Variants in GPM6A observed in about 807,000 individuals in gnomAD.
GPM6A encodes neuronal membrane glycoprotein M6-a.
A neutral mutation model predicts 32.1 loss-of-function variants in GPM6A; 7 were observed. The ratio of observed to expected loss-of-function variants is 0.22; its 90% confidence interval spans 0.12 to 0.41. The LOEUF is 0.41. Among genes scored for constraint, GPM6A ranks in the 10% least tolerant of loss-of-function variants. GPM6A has a pLI of 1.00. For synonymous variants in GPM6A, 130 were observed against 123.4 expected (o/e 1.05, Z -0.35); for missense variants, 235 against 347.2 (o/e 0.68, Z 2.57).
At chr4:175,755,750 T>C (rs979616598) in intron 1 of GPM6A, among the ~76,000 whole-genome samples, 43 of 152,186 alleles carry the variant, frequency 2.8e-4, no homozygotes, top group Non-Finnish European at 2.8e-4. Flanking sequence ...AATTATGTAG[T>C]GTTCCTGGAT....
intron 3 of GPM6A, among the ~76,000 whole-genome samples, chr4:175,661,064 G>T (rs1742381167): frequency 6.6e-6 from 1 of 152,104 alleles, no homozygotes; most frequent in African/African-American, 2.4e-5. Context: ...TATACTTGGT[G>T]TATACATAAT....
At chr4:175,785,308 G>C (rs1466352956) in intron 1 of GPM6A, among the ~76,000 whole-genome samples, 1 of 152,128 alleles carries the variant, frequency 6.6e-6, no homozygotes, top group Non-Finnish European at 1.5e-5. Flanking sequence ...AGACATTCCA[G>C]CCCAATCAAG....
chr4:175,888,864 A>T (rs1413578963), intron 1 of GPM6A, among the ~76,000 whole-genome samples: 1 of 152,172 alleles, frequency 6.6e-6, no homozygotes, highest in African/African-American at 2.4e-5. Context: ...TAACATAAAG[A>T]TCTACAAAAA....
chr4:175,841,979 T>C (rs1735950884), intron 1 of GPM6A, among the ~76,000 whole-genome samples: 1 of 152,184 alleles, frequency 6.6e-6, no homozygotes, highest in Non-Finnish European at 1.5e-5. Flanking sequence ...CCTTCATGAA[T>C]ATACATGTAG....
At chr4:175,691,723 C>G (rs80225500) in intron 2 of GPM6A, among the ~76,000 whole-genome samples, 7,162 of 152,112 alleles carry the variant, frequency 0.047, 194 homozygotes, top group Non-Finnish European at 0.063. Flanking sequence ...ATCTCCATAA[C>G]CTGTAAATAT....
chr4:175,762,889 G>A (rs1277961103), intron 1 of GPM6A, among the ~76,000 whole-genome samples: 4 of 152,092 alleles, frequency 2.6e-5, no homozygotes, highest in African/African-American at 4.8e-5. Context: ...AGATTGACTC[G>A]TGGTTGCGCG....
chr4:175,668,959 C>A (rs1742900641), intron 3 of GPM6A, among the ~76,000 whole-genome samples: 2 of 152,134 alleles, frequency 1.3e-5, no homozygotes. Context: ...GTGCCAGATG[C>A]TTGAATTCAA....
At chr4:175,960,048 G>A (rs1269173525) in intron 1 of GPM6A, among the ~76,000 whole-genome samples, 1 of 152,126 alleles carries the variant, frequency 6.6e-6, no homozygotes. Context: ...ATTAACCATG[G>A]TTACATCGTC....
intron 1 of GPM6A, among the ~76,000 whole-genome samples, chr4:175,907,647 G>A (rs185146801): frequency 5.3e-5 from 8 of 152,124 alleles, no homozygotes; most frequent in African/African-American, 7.2e-5. Flanking sequence ...AAAACCCTCC[G>A]GTGAGAAAGG....
Position 175,672,160 on chromosome 4 carries a change from A to G in GPM6A, c.387+1520T>C, listed in dbSNP as rs1743115828. On this transcript the variant is annotated intron_variant, in intron 3 of 6. Transcript: ENST00000393658. ...TCTTTTTATTATGAAGTTATTTTCA[A>G]ATTCTGAATGAAATAACACAATTGA... Among the ~76,000 whole-genome samples the G allele has an allele frequency of 2.0e-5, 3 of 152,170 alleles. No homozygotes were observed. In the South Asian group the frequency reaches 6.2e-4, roughly 31 times the overall value.
intron 1 of GPM6A, among the ~76,000 whole-genome samples, chr4:175,880,154 C>T (rs1397138141): frequency 6.6e-6 from 1 of 152,168 alleles, no homozygotes; most frequent in Non-Finnish European, 1.5e-5. Flanking sequence ...ATCCTTTCCT[C>T]ATTTCTTATT....
In GPM6A at chr4:175,942,370, C is replaced by G. The variant is rs184544987; in HGVS notation, c.-23+59939G>C. 1.1e-4 allele frequency among the ~76,000 whole-genome samples: 16 copies of G among 152,266 alleles called. No homozygotes were observed. The East Asian group carries it at 1.9e-3, about 18-fold the overall frequency. ...TAGTTTCTTTTGCTGTGCAGAAGCT[C>G]TTTAGTTTAATTAGCTCCCATTTGC... On this transcript the variant is annotated intron_variant, in intron 1 of 7. Transcript: ENST00000280187.
upstream of GPM6A, among the ~76,000 whole-genome samples, chr4:175,816,006 C>T (rs2111340407): frequency 6.6e-6 from 1 of 152,124 alleles, no homozygotes; most frequent in African/African-American, 2.4e-5. Flanking sequence ...CGTGAGCCAC[C>T]ACACCTGGCC....
Position 175,869,756 on chromosome 4 carries a change from C to CA in GPM6A, c.-22-57508dup, listed in dbSNP as rs200044895. ...TGGGTGACAGAACAAGACTCCGTCT[C>CA]AAAAAAAACAAAAACAAAAACAAAC... On this transcript the variant is annotated intron_variant, in intron 1 of 7. Coordinates refer to the GPM6A transcript ENST00000280187. 5.2e-4 allele frequency among the ~76,000 whole-genome samples: 72 copies of CA among 139,454 alleles called. 1 individual carries two copies. The East Asian group carries it at 0.012, about 24-fold the overall frequency. 91.5% of individuals were successfully genotyped at this position (139,454 alleles called of 152,430 possible).
intron 1 of GPM6A, among the ~76,000 whole-genome samples, chr4:175,771,249 A>T (rs114203485): frequency 0.02 from 3,079 of 152,104 alleles, 36 homozygotes; most frequent in Non-Finnish European, 0.031. Flanking sequence ...CAGCTGTTTT[A>T]GTGCGTTCCA....
intron 3 of GPM6A, among the ~76,000 whole-genome samples, chr4:175,666,839 A>G (rs1369536358): frequency 6.6e-6 from 1 of 152,188 alleles, no homozygotes; most frequent in Non-Finnish European, 1.5e-5. Flanking sequence ...TCAAGTCTAA[A>G]AAGTTGAGGC....
At chr4:175,781,767 G>A (rs1733623270) in intron 1 of GPM6A, among the ~76,000 whole-genome samples, 1 of 152,006 alleles carries the variant, frequency 6.6e-6, no homozygotes. Context: ...ATGGCCATTG[G>A]GATGACTCTC....
Position 175,942,835 on chromosome 4 carries a change from T to C in GPM6A, c.-23+59474A>G, listed in dbSNP as rs556571270. Among the ~76,000 whole-genome samples the C allele has an allele frequency of 2.0e-5, 3 of 152,318 alleles. No individual in the cohort carries two copies. The South Asian group carries it at 6.2e-4, about 32-fold the overall frequency. On this transcript the variant is annotated intron_variant, in intron 1 of 7. Transcript: ENST00000280187. ...GTGATGCCTCCAGCTTTGATCTTTT[T>C]GCTTAGGATTGTCTTGGCTGTACAG...
At chr4:175,943,705 C>A (rs1337642727) in intron 1 of GPM6A, among the ~76,000 whole-genome samples, 1 of 152,116 alleles carries the variant, frequency 6.6e-6, no homozygotes, top group Non-Finnish European at 1.5e-5. Flanking sequence ...TATGTTTAAC[C>A]AGCCTTACAT....
Sources: gnomAD v4.1 joint callset for allele counts (sites outside exome capture counted in the v4.1 genomes callset) on GRCh38, gnomAD v4.1.1 for gene constraint, MANE v1.5 for transcripts, NCBI Gene and HGNC (gene_info 2026-07-23, HGNC 2026-07-21) for gene names.